The following DLGAP1 variants were observed in gnomAD, a reference collection of about 807,000 sequenced individuals.
DLGAP1 encodes DLG associated protein 1.
Under a neutral mutation model 90.8 loss-of-function variants are expected in DLGAP1, and 11 were observed. The observed-to-expected ratio is 0.12, with a 90% CI of 0.08 to 0.20. DLGAP1 has a LOEUF of 0.20. Among genes scored for constraint, DLGAP1 ranks in the 10% least tolerant of loss-of-function variants. The probability of loss-of-function intolerance (pLI) is 1.00; values close to 1 mark genes in which losing one functional copy is unlikely to be tolerated. For synonymous variants in DLGAP1, 558 were observed against 540.7 expected (o/e 1.03, Z -0.44); for missense variants, 1,050 against 1,333.8 (o/e 0.79, Z 3.31).
chr18:3,858,180 C>T (rs2148719245), intron 4 of DLGAP1, among the ~76,000 whole-genome samples: 1 of 152,268 alleles, frequency 6.6e-6, no homozygotes, highest in Admixed American at 6.5e-5. Context: ...TATTGACAGG[C>T]ACCCAATTTT....
chr18:4,382,981 C>A (rs1369355693), intron 1 of DLGAP1, among the ~76,000 whole-genome samples: 1 of 152,134 alleles, frequency 6.6e-6, no homozygotes, highest in Non-Finnish European at 1.5e-5. Context: ...ATAGGGCCAG[C>A]CAGTATATCA....
chr18:4,372,779 T>G (rs2144231695), intron 1 of DLGAP1, among the ~76,000 whole-genome samples: 1 of 151,558 alleles, frequency 6.6e-6, no homozygotes, highest in Admixed American at 6.6e-5. Context: ...ATACAAAAAA[T>G]TAGCCAGGCG....
At chr18:3,941,606 T>C (rs2072770610) in intron 3 of DLGAP1, among the ~76,000 whole-genome samples, 1 of 152,224 alleles carries the variant, frequency 6.6e-6, no homozygotes, top group South Asian at 2.1e-4. Context: ...AAATATCTTC[T>C]TTATCCAAGA....
At chr18:4,387,928 CA>C (rs1555610892) in intron 1 of DLGAP1, among the ~76,000 whole-genome samples, 1 of 56,694 alleles carries the variant, frequency 1.8e-5, no homozygotes, top group East Asian at 8.3e-4. Context: ...CTCCATCACA[CA>C]TACACACACA....
At chr18:3,625,072 G>A (rs894999083) in intron 7 of DLGAP1, among the ~76,000 whole-genome samples, 6 of 152,156 alleles carry the variant, frequency 3.9e-5, no homozygotes, top group African/African-American at 7.2e-5. Flanking sequence ...CCAAGTATAA[G>A]AAATGATTTC....
At chr18:4,179,505 C>G (rs7242986) in intron 1 of DLGAP1, among the ~76,000 whole-genome samples, 61,895 of 151,838 alleles carry the variant, frequency 0.41, 13,149 homozygotes, top group East Asian at 0.7. Flanking sequence ...TTGAGTACCA[C>G]GCACTGTGAT....
chr18:4,197,133 A>T (rs1303233946), intron 1 of DLGAP1, among the ~76,000 whole-genome samples: 3 of 148,640 alleles, frequency 2.0e-5, no homozygotes, highest in African/African-American at 7.5e-5. Flanking sequence ...AGATCGTGCC[A>T]TTGCACTCCA....
intron 3 of DLGAP1, among the ~76,000 whole-genome samples, chr18:3,967,643 G>A (rs564141790): frequency 6.3e-4 from 96 of 152,314 alleles, no homozygotes; most frequent in African/African-American, 2.2e-3. Context: ...AGTCTCTAAA[G>A]AGAAAGTGTA....
At chr18:3,766,621 T>C (rs1423053213) in intron 5 of DLGAP1, among the ~76,000 whole-genome samples, 1 of 152,038 alleles carries the variant, frequency 6.6e-6, no homozygotes, top group East Asian at 1.9e-4. Context: ...ATATACATAG[T>C]GTATTCTACA....
At chr18:3,979,197 G>C (rs549388608) in intron 3 of DLGAP1, among the ~76,000 whole-genome samples, 1 of 152,200 alleles carries the variant, frequency 6.6e-6, no homozygotes, top group African/African-American at 2.4e-5. Flanking sequence ...TGCATTGCAT[G>C]TACAGTGGCA....
chr18:3,860,306 T>C (rs527666657), intron 4 of DLGAP1, among the ~76,000 whole-genome samples: 27 of 151,968 alleles, frequency 1.8e-4, no homozygotes, highest in Middle Eastern at 3.2e-3. Flanking sequence ...TAACACTGTG[T>C]TTTTTCAGGC....
At position 3,807,539 on chromosome 18, in the gene DLGAP1, CTCAG is replaced by C. The variant is rs200705206; in HGVS notation, c.1172+6516_1172+6519del. On this transcript the variant is annotated intron_variant, in intron 5 of 12. Coordinates refer to ENST00000315677, the MANE Select transcript of DLGAP1 (RefSeq NM_004746.4). ...AAACACGTATGTAAAGCCCGTAGCA[CTCAG>C]TCAGGCACTTAGAACCTTGTTAAAA... Among the ~76,000 whole-genome samples, 1,220 of 152,278 alleles carry C rather than the reference CTCAG, an allele frequency of 8.0e-3. 4 individuals are homozygous for C. Among genetic ancestry groups the C allele is most frequent in the Middle Eastern group, 0.014 (4 of 294 alleles).
intron 2 of DLGAP1, among the ~76,000 whole-genome samples, chr18:4,011,536 G>A (rs577252177): frequency 2.2e-4 from 33 of 152,178 alleles, no homozygotes; most frequent in Middle Eastern, 6.8e-3. Context: ...AGTCCTCTGG[G>A]CTGGGCATGG....
At chr18:3,741,115 C>CCACCACCATCACCATCACCAT (rs1568048558) in intron 6 of DLGAP1, among the ~76,000 whole-genome samples, 1 of 92,502 alleles carries the variant, frequency 1.1e-5, no homozygotes, top group Non-Finnish European at 2.2e-5. Context: ...ACCATCACCA[C>CCACCACCATCACCATCACCAT]CACCATCACC....
At chr18:4,408,276 T>C (rs1452358506) in intron 1 of DLGAP1, among the ~76,000 whole-genome samples, 1 of 152,094 alleles carries the variant, frequency 6.6e-6, no homozygotes, top group African/African-American at 2.4e-5. Flanking sequence ...TGTGGGTGTG[T>C]TGCAGGGGGT....
At chr18:3,630,320 C>T (rs2058478819) in intron 7 of DLGAP1, among the ~76,000 whole-genome samples, 1 of 152,134 alleles carries the variant, frequency 6.6e-6, no homozygotes, top group African/African-American at 2.4e-5. Context: ...CATTGGTCCT[C>T]CTTGGGTTGT....
At chr18:4,431,098 A>C (rs944653134) in intron 1 of DLGAP1, 5 of 153,496 alleles carry the variant, frequency 3.3e-5, no homozygotes, top group Admixed American at 6.5e-5. Context: ...GAAAAGGTGC[A>C]AAAGAAGAAA....
intron 7 of DLGAP1, among the ~76,000 whole-genome samples, chr18:3,604,761 C>G (rs1340485478): frequency 3.9e-5 from 6 of 152,186 alleles, no homozygotes; most frequent in Non-Finnish European, 2.9e-5. Flanking sequence ...TTCTCCAACT[C>G]TGAGTTGTCA....
At chr18:4,278,747 T>TAC (rs74515144) in intron 1 of DLGAP1, among the ~76,000 whole-genome samples, 5,206 of 150,082 alleles carry the variant, frequency 0.035, 288 homozygotes, top group African/African-American at 0.12. Flanking sequence ...GAAAATGTTA[T>TAC]ACACACACAC....
Sources: gnomAD v4.1 joint callset for allele counts (sites outside exome capture counted in the v4.1 genomes callset) on GRCh38, gnomAD v4.1.1 for gene constraint, MANE v1.5 for transcripts, NCBI Gene and HGNC (gene_info 2026-07-23, HGNC 2026-07-21) for gene names.